ANKAR: variants seen among roughly 807,000 people sequenced by gnomAD.
ANKAR encodes ankyrin and armadillo repeat containing.
A neutral mutation model predicts 146.2 loss-of-function variants in ANKAR; 136 were observed. That is an observed-to-expected ratio of 0.93 (90% confidence interval 0.81 to 1.07). ANKAR has a LOEUF of 1.07. Among genes scored for constraint, ANKAR ranks in the 50% least tolerant of loss-of-function variants. The probability of loss-of-function intolerance (pLI) is 0.00; values close to 1 mark genes in which losing one functional copy is unlikely to be tolerated. For missense variants in ANKAR, 1,567 were observed against 1,679.9 expected (o/e 0.93, Z 1.18); for synonymous variants, 500 against 575.8 (o/e 0.87, Z 1.88).
Position 189,676,530 on chromosome 2 carries a change from C to G in ANKAR, c.40C>G (p.Gln14Glu). Residue 14 changes from glutamine to glutamate, a missense_variant, in exon 2 of 23, where the codon CAA becomes GAA. By Grantham distance (29) the Gln-to-Glu change is conservative. Transcript: ENST00000684021. Reference protein sequence around the residue: ...LPKKGLPRFEQVQDEDTYLEN... With the variant: ...LPKKGLPRFEEVQDEDTYLEN... ...CAAAAAAGGATTACCTAGATTTGAG[C>G]AAGTTCAGGATGAAGACACCTACCT... The G allele has an allele frequency of 6.3e-7, 1 of 1,581,592 alleles. No individual in the cohort carries two copies. The highest frequency in any genetic ancestry group is 1.1e-5 in the South Asian group (1 of 89,144).
At chr2:189,730,667 G>T (rs1048783653) in intron 16 of ANKAR, 66 bp downstream of exon 16, 1 of 783,962 alleles carries the variant, frequency 1.3e-6, no homozygotes, top group Non-Finnish European at 1.8e-6. Flanking sequence ...AGAAAATTTT[G>T]TATCTTTATT....
At chr2:189,721,081 G>A (rs913714906) in intron 12 of ANKAR, among the ~76,000 whole-genome samples, 2 of 152,076 alleles carry the variant, frequency 1.3e-5, no homozygotes, top group African/African-American at 2.4e-5. Flanking sequence ...TCCGCCTCCC[G>A]GGTTCAAGAA....
Position 189,743,453 on chromosome 2 carries a change from T to A in ANKAR, c.3989T>A (p.Leu1330Gln). ...FLKEFQMQQT[L>Q]VGLPSLSLEK... ...AAGGAATTTCAAATGCAACAAACACTGGTGGGACTTCCTTCCTTAAGGTAT... is the reference window on the plus strand; with the variant it reads ...AAGGAATTTCAAATGCAACAAACACAGGTGGGACTTCCTTCCTTAAGGTAT... The change falls in exon 21 of 23, where the codon CTG (leucine) becomes CAG (glutamine). Residue 1330 changes from leucine to glutamine, a missense_variant. Leu to Gln is a moderately radical substitution (Grantham distance 113). Transcript: ENST00000684021. 1 of 1,613,658 alleles carries A rather than the reference T, an allele frequency of 6.2e-7. No homozygotes were observed. The highest frequency in any genetic ancestry group is 8.5e-7 in the Non-Finnish European group (1 of 1,179,764).
chr2:189,708,994 C>CG (rs1231325752), intron 9 of ANKAR, among the ~76,000 whole-genome samples: 2 of 152,018 alleles, frequency 1.3e-5, no homozygotes, highest in Non-Finnish European at 2.9e-5. Flanking sequence ...CCTAGCTCCT[C>CG]GGGAGGCTGA....
chr2:189,755,258 C>T lies in ANKAR; in HGVS notation c.*585-5840C>T, dbSNP rs2045925901. On this transcript the variant is annotated intron_variant and NMD_transcript_variant, in intron 18 of 18. Coordinates refer to the ANKAR transcript ENST00000441800. Reference sequence around the variant, plus strand: ...AACTCCTTGAACTAATGCCAACAGACAGTGACCTCCAGAAATCAAAAGAAC... The same window carrying T: ...AACTCCTTGAACTAATGCCAACAGATAGTGACCTCCAGAAATCAAAAGAAC... 21 of 1,613,420 alleles carry T rather than the reference C, an allele frequency of 1.3e-5. No homozygotes were observed. In the East Asian group the frequency reaches 4.7e-4, roughly 36 times the overall value.
chr2:189,684,350 C>T (rs1363300277), intron 2 of ANKAR, among the ~76,000 whole-genome samples: 1 of 152,012 alleles, frequency 6.6e-6, no homozygotes, highest in Non-Finnish European at 1.5e-5. Flanking sequence ...TCTATTTGGA[C>T]TCTTTTATCT....
chr2:189,761,604 TA>T (rs750679212), downstream of ANKAR: 10 of 1,605,370 alleles, frequency 6.2e-6, no homozygotes, highest in East Asian at 1.8e-4. Flanking sequence ...TTTGATGGTT[TA>T]AAAAAAACTC....
At chr2:189,759,349 C>T (rs1041137030) in intron 18 of ANKAR, among the ~76,000 whole-genome samples, 5 of 152,072 alleles carry the variant, frequency 3.3e-5, no homozygotes, top group East Asian at 1.9e-4. Flanking sequence ...CCCGGGTTCA[C>T]GCCATTCTCC....
At chr2:189,696,446 T>G in intron 7 of ANKAR, 77 bp downstream of exon 7, 1 of 1,397,864 alleles carries the variant, frequency 7.2e-7, no homozygotes, top group Non-Finnish European at 9.6e-7. Context: ...ACGTTGATTT[T>G]AGAGCAGGTT....
At chr2:189,694,344 C>T (rs1381425108) in intron 5 of ANKAR, among the ~76,000 whole-genome samples, 3 of 152,120 alleles carry the variant, frequency 2.0e-5, no homozygotes, top group Non-Finnish European at 4.4e-5. Flanking sequence ...AAGTATTCAC[C>T]GCTGAAATCC....
rs6748838 is a variant in ANKAR, at chr2:189,725,317, T to C, written c.2636-2539T>C. ...ACACACACACACACACACACACACATATATATGATCCAGAAGCAATGATAT... is the reference window on the plus strand; with the variant it reads ...ACACACACACACACACACACACACACATATATGATCCAGAAGCAATGATAT... On this transcript the variant is annotated intron_variant, in intron 12 of 22. Transcript: ENST00000684021. 1.2e-3 allele frequency among the ~76,000 whole-genome samples: 153 copies of C among 128,428 alleles called. No individual in the cohort carries two copies. In the Middle Eastern group the frequency reaches 0.016, roughly 13 times the overall value. The allele number at this position is 128,428 out of a possible 152,430, so 84.3% of individuals were successfully genotyped here.
Position 189,741,390 on chromosome 2 carries a change from C to T in ANKAR, c.3749C>T (p.Ala1250Val). 1 of 1,609,740 alleles carries T rather than the reference C, an allele frequency of 6.2e-7. No individual in the cohort carries two copies. Among genetic ancestry groups the T allele is most frequent in the South Asian group, 1.1e-5 (1 of 90,542 alleles). ...CATTCTAGAGCTGGTATCCCAGAAG[C>T]ATTTACCACATTAGGAACAATCCAA... ...LAHSRAGIPEAFTTLGTIQRL... is the reference protein window; with the variant it reads ...LAHSRAGIPEVFTTLGTIQRL... Residue 1250 changes from alanine to valine, a missense_variant, in exon 20 of 23, where the codon GCA becomes GTA. Physicochemically the swap from Ala to Val is moderately conservative, Grantham distance 64 (BLOSUM62 0). Transcript: ENST00000684021.
chr2:189,684,695 G>A (rs1441260740), intron 2 of ANKAR, among the ~76,000 whole-genome samples: 1 of 151,786 alleles, frequency 6.6e-6, no homozygotes, highest in Non-Finnish European at 1.5e-5. Context: ...GCCAGGCATG[G>A]TGGTGCACGC....
intron 2 of ANKAR, among the ~76,000 whole-genome samples, chr2:189,689,068 T>C (rs2036028391): frequency 2.6e-5 from 4 of 152,216 alleles, no homozygotes. Context: ...AAAAACCTTG[T>C]GGCAGTTAGA....
At chr2:189,750,596 T>G (rs1010244113), downstream of ANKAR, 2 of 1,584,096 alleles carry the variant, frequency 1.3e-6, no homozygotes, top group Middle Eastern at 1.7e-4. Context: ...CCATTTTTAA[T>G]TGTGGTACTT....
chr2:189,680,092 T>A (rs2034417339), intron 2 of ANKAR, among the ~76,000 whole-genome samples: 1 of 152,204 alleles, frequency 6.6e-6, no homozygotes, highest in South Asian at 2.1e-4. Flanking sequence ...TTTTTTGTTG[T>A]TGGCAATTTT....
At chr2:189,723,964 A>T (rs2041594521) in intron 12 of ANKAR, among the ~76,000 whole-genome samples, 1 of 152,220 alleles carries the variant, frequency 6.6e-6, no homozygotes, top group Non-Finnish European at 1.5e-5. Flanking sequence ...TCAAATAAAG[A>T]TCAAAACTTC....
At chr2:189,713,449 GT>G (rs1158025898) in intron 10 of ANKAR, among the ~76,000 whole-genome samples, 1 of 152,212 alleles carries the variant, frequency 6.6e-6, no homozygotes, top group Non-Finnish European at 1.5e-5. Flanking sequence ...CCAGAAGAGA[GT>G]GGGGGCCAAT....
At chr2:189,746,777 T>C, downstream of ANKAR, 3 of 887,488 alleles carry the variant, frequency 3.4e-6, no homozygotes. Context: ...TTAGCATGTC[T>C]ACAGGAATTT....
Sources: gnomAD v4.1 joint callset for allele counts (sites outside exome capture counted in the v4.1 genomes callset) on GRCh38, gnomAD v4.1.1 for gene constraint, MANE v1.5 for transcripts, NCBI Gene and HGNC (gene_info 2026-07-23, HGNC 2026-07-21) for gene names.